Variants in NTN1 observed in about 807,000 individuals in gnomAD.
NTN1 encodes the protein netrin 1.
A neutral mutation model predicts 54.2 loss-of-function variants in NTN1; 11 were observed. The ratio of observed to expected loss-of-function variants is 0.20; its 90% confidence interval spans 0.13 to 0.34. NTN1 has a LOEUF of 0.34. Among genes scored for constraint, NTN1 ranks in the 10% least tolerant of loss-of-function variants. The pLI, the probability that NTN1 is intolerant of heterozygous loss-of-function variation, is 1.00. For missense variants in NTN1, 740 were observed against 893.1 expected (o/e 0.83, Z 2.18); for synonymous variants, 371 against 382.0 (o/e 0.97, Z 0.33).
chr17:9,158,092 T>C (rs1050410920), intron 2 of NTN1, among the ~76,000 whole-genome samples: 1 of 152,192 alleles, frequency 6.6e-6, no homozygotes, highest in Non-Finnish European at 1.5e-5. Context: ...AAACAAGCTG[T>C]AAAATACTTT....
chr17:9,041,090 TA>T (rs1381856689), intron 2 of NTN1, among the ~76,000 whole-genome samples: 1 of 152,118 alleles, frequency 6.6e-6, no homozygotes, highest in East Asian at 1.9e-4. Flanking sequence ...GCTCTTTTTT[TA>T]AAAAATATTC....
intron 5 of NTN1, among the ~76,000 whole-genome samples, chr17:9,204,638 G>A (rs1037959989): frequency 6.6e-6 from 1 of 152,176 alleles, no homozygotes; most frequent in Non-Finnish European, 1.5e-5. Context: ...CAGTCTATCA[G>A]TCGGTGGCAA....
chr17:9,186,813 T>A (rs1476205547), intron 5 of NTN1, among the ~76,000 whole-genome samples: 1 of 152,226 alleles, frequency 6.6e-6, no homozygotes, highest in African/African-American at 2.4e-5. Context: ...GCAGCCTGGA[T>A]AAGCATGGAT....
chr17:9,023,167 C>T lies in NTN1; in HGVS notation c.794C>T (p.Ser265Leu), dbSNP rs142558586. ...HTFGDENEDD[S>L]ELARDSYFYA... is the part of the protein sequence containing the mutation. ...TTCGGCGACGAGAACGAGGACGACT[C>T]GGAGCTGGCGCGCGACTCGTACTTC... Residue 265 changes from serine (S) to leucine (L), a missense_variant, in exon 2 of 7, where the codon TCG becomes TTG. Ser to Leu is a moderately radical substitution (Grantham distance 145, BLOSUM62 -2). Coordinates refer to ENST00000173229, the MANE Select transcript of NTN1 (RefSeq NM_004822.3). The T allele has an allele frequency of 1.3e-6, 2 of 1,561,972 alleles. No homozygotes were observed. Among genetic ancestry groups the T allele is most frequent in the African/African-American group, 1.4e-5 (1 of 73,750 alleles).
chr17:9,075,491 AAAAAC>A lies in NTN1; in HGVS notation c.1018+52109_1018+52113del, dbSNP rs1403104826. ...GGGAGACTCCATCTCAAACAAAAAC[AAAAAC>A]AAAACAAACAAACAAAAAATAAATA... is the stretch of plus-strand genomic sequence containing the variant. On this transcript the variant is annotated intron_variant, in intron 2 of 6. Coordinates refer to ENST00000173229, the MANE Select transcript of NTN1 (RefSeq NM_004822.3). Among the ~76,000 whole-genome samples, 4 of 152,202 alleles carry A rather than the reference AAAAAC, an allele frequency of 2.6e-5. No individual in the cohort carries two copies. In the South Asian group the frequency reaches 6.2e-4, roughly 24 times the overall value.
intron 2 of NTN1, among the ~76,000 whole-genome samples, chr17:9,075,414 G>C (rs1384797559): frequency 6.6e-6 from 1 of 152,162 alleles, no homozygotes; most frequent in Non-Finnish European, 1.5e-5. Flanking sequence ...CCTGGAAGGT[G>C]GAGGTTGTAG....
At chr17:9,093,457 G>T (rs1240549169) in intron 2 of NTN1, among the ~76,000 whole-genome samples, 1 of 152,164 alleles carries the variant, frequency 6.6e-6, no homozygotes, top group Non-Finnish European at 1.5e-5. Context: ...TGACCTACCA[G>T]ACTCAAGTGA....
chr17:9,237,310 A>T (rs765697068), intron 6 of NTN1, among the ~76,000 whole-genome samples: 2 of 152,078 alleles, frequency 1.3e-5, no homozygotes, highest in Non-Finnish European at 1.5e-5. Flanking sequence ...CTGTGTCCTC[A>T]TCTCCTCTTA....
intron 5 of NTN1, among the ~76,000 whole-genome samples, chr17:9,201,591 C>A (rs1438732611): frequency 6.6e-6 from 1 of 152,182 alleles, no homozygotes; most frequent in Admixed American, 6.5e-5. Context: ...TATGGCCTCC[C>A]TTGTAGGAGA....
chr17:9,022,253 G>A lies in NTN1; in HGVS notation c.-63-58G>A, dbSNP rs1429585501. On this transcript the variant is annotated intron_variant, in intron 1 of 6. Coordinates refer to ENST00000173229, the MANE Select transcript of NTN1 (RefSeq NM_004822.3). ...CTCCCGCATCTCCGCTCGCCACCCC[G>A]CCGAGAGCTGGAGGGCGCGGGGCGG... is the stretch of plus-strand genomic sequence containing the variant. The A allele has an allele frequency of 1.2e-5, 13 of 1,128,676 alleles. No homozygotes were observed. In the Admixed American group the frequency reaches 1.7e-4, roughly 15 times the overall value. 69.9% of individuals were successfully genotyped at this position (1,128,676 alleles called of 1,614,324 possible). A position where few individuals can be genotyped will look rare whatever the true frequency, so the allele number is the denominator to read the frequency against.
At chr17:9,035,953 C>T (rs1414626066) in intron 2 of NTN1, among the ~76,000 whole-genome samples, 4 of 152,146 alleles carry the variant, frequency 2.6e-5, no homozygotes, top group Non-Finnish European at 4.4e-5. Flanking sequence ...ACCTGGGAGG[C>T]GGAGGTTGCA....
chr17:9,209,758 C>T (rs1409550861), intron 5 of NTN1, among the ~76,000 whole-genome samples: 1 of 152,222 alleles, frequency 6.6e-6, no homozygotes, highest in East Asian at 1.9e-4. Context: ...AAAAAACTCA[C>T]ACCCATGCTT....
rs1567742494 is a variant in NTN1, at chr17:9,219,682, G to T, written c.1412-1486G>T. 1.3e-5 allele frequency among the ~76,000 whole-genome samples: 2 copies of T among 152,206 alleles called. No individual in the cohort carries two copies. Among genetic ancestry groups the T allele is most frequent in the Admixed American group, 6.5e-5 (1 of 15,282 alleles). ...TCCCTGCAGATCTAAGTCCTGGGTT[G>T]GGGTGCAGGTGGCACTGGGAGGCCT... On this transcript the variant is annotated intron_variant, in intron 5 of 6. Transcript: ENST00000173229. This position sits in a 1 kb window ranked among gnomAD's most constrained non-coding sequence, Gnocchi z 4.5.
At chr17:9,227,425 T>C (rs1216496675) in intron 6 of NTN1, among the ~76,000 whole-genome samples, 1 of 137,748 alleles carries the variant, frequency 7.3e-6, no homozygotes, top group Non-Finnish European at 1.5e-5. Context: ...CACACATACA[T>C]ACACCATCAC....
intron 2 of NTN1, among the ~76,000 whole-genome samples, chr17:9,144,407 T>C (rs1567721241): frequency 6.6e-6 from 1 of 152,130 alleles, no homozygotes; most frequent in Non-Finnish European, 1.5e-5. Flanking sequence ...ATAAGGAAAC[T>C]GAGGCATAGA....
the NTN1 span, among the ~76,000 whole-genome samples, chr17:9,003,958 C>T: frequency 1.3e-5 from 2 of 152,160 alleles, no homozygotes; most frequent in South Asian, 2.1e-4. This position sits in a 1 kb window ranked among gnomAD's most constrained non-coding sequence, Gnocchi z 7.4. Context: ...GCCTCGGCCT[C>T]GGCTCCCGGG....
intron 2 of NTN1, among the ~76,000 whole-genome samples, chr17:9,046,760 T>C (rs2142195264): frequency 6.6e-6 from 1 of 152,258 alleles, no homozygotes; most frequent in South Asian, 2.1e-4. Flanking sequence ...CACTCCAGCC[T>C]GGTTGGCAGA....
At chr17:9,139,576 G>T (rs1023101681) in intron 2 of NTN1, among the ~76,000 whole-genome samples, 7 of 152,038 alleles carry the variant, frequency 4.6e-5, no homozygotes, top group South Asian at 4.2e-4. Context: ...TTAATATAAT[G>T]CCTCTCAGTG....
chr17:9,051,276 G>A (rs2091959741), intron 2 of NTN1, among the ~76,000 whole-genome samples: 2 of 152,182 alleles, frequency 1.3e-5, no homozygotes, highest in African/African-American at 4.8e-5. Flanking sequence ...CCAACTCCTT[G>A]GAGCTCGCAG....
Sources: gnomAD v4.1 joint callset for allele counts (sites outside exome capture counted in the v4.1 genomes callset) on GRCh38, gnomAD v4.1.1 for gene constraint, Gnocchi (gnomAD v3.1) non-coding constraint, MANE v1.5 for transcripts, NCBI Gene and HGNC (gene_info 2026-07-23, HGNC 2026-07-21) for gene names.